SLC24A3: variants seen among roughly 807,000 people sequenced by gnomAD.
The protein encoded by SLC24A3 is solute carrier family 24 member 3.
A neutral mutation model predicts 75.8 loss-of-function variants in SLC24A3; 28 were observed. The ratio of observed to expected loss-of-function variants is 0.37; its 90% confidence interval spans 0.27 to 0.51. The LOEUF (loss-of-function observed/expected upper bound fraction) is 0.51. Ranked by LOEUF, SLC24A3 falls within the 20% of genes least tolerant of loss-of-function variation. The pLI is 0.94. For synonymous variants in SLC24A3, 372 were observed against 334.1 expected (o/e 1.11, Z -1.24); for missense variants, 663 against 847.8 (o/e 0.78, Z 2.71).
chr20:19,471,507 G>A (rs984242850), intron 2 of SLC24A3, among the ~76,000 whole-genome samples: 1 of 152,196 alleles, frequency 6.6e-6, no homozygotes. Context: ...GGGAGTGGGG[G>A]CAGGGGTGTC....
At chr20:19,447,875 A>G (rs1026921479) in intron 2 of SLC24A3, among the ~76,000 whole-genome samples, 1 of 152,238 alleles carries the variant, frequency 6.6e-6, no homozygotes, top group Non-Finnish European at 1.5e-5. Context: ...TCCAGTGGTT[A>G]TCACAGAGTG....
chr20:19,281,571 T>C (rs982557295), intron 2 of SLC24A3, among the ~76,000 whole-genome samples: 2 of 152,194 alleles, frequency 1.3e-5, no homozygotes, highest in Non-Finnish European at 2.9e-5. Context: ...ATTTGATATC[T>C]ATTATGCCAT....
chr20:19,559,152 T>C (rs1324695625), intron 3 of SLC24A3, among the ~76,000 whole-genome samples: 1 of 152,186 alleles, frequency 6.6e-6, no homozygotes, highest in Non-Finnish European at 1.5e-5. Context: ...CTTTCTTTAC[T>C]TTAGTCATTC....
At chr20:19,448,482 C>T (rs1987424808) in intron 2 of SLC24A3, among the ~76,000 whole-genome samples, 1 of 152,156 alleles carries the variant, frequency 6.6e-6, no homozygotes, top group African/African-American at 2.4e-5. Flanking sequence ...CCGTGTTTTC[C>T]CAGGTGTCAC....
chr20:19,250,436 G>A lies in SLC24A3; in HGVS notation c.143-30523G>A, dbSNP rs559815191. ...ACAGTCTAAACTTGCATAGTTGCTG[G>A]TTAATTATTCAAAGCATGTTTCATT... On this transcript the variant is annotated intron_variant, in intron 1 of 16. Transcript: ENST00000328041. Among the ~76,000 whole-genome samples, 3 of 152,232 alleles carry A rather than the reference G, an allele frequency of 2.0e-5. No individual in the cohort carries two copies. The South Asian group carries it at 6.2e-4, about 32-fold the overall frequency.
chr20:19,257,137 G>A (rs16980264), intron 1 of SLC24A3, among the ~76,000 whole-genome samples: 19,454 of 152,158 alleles, frequency 0.13, 1,376 homozygotes, highest in Non-Finnish European at 0.15. Context: ...GGGTCTTTTT[G>A]AAAACCATTT....
chr20:19,678,021 G>C (rs1323989945), intron 9 of SLC24A3, among the ~76,000 whole-genome samples: 1 of 151,526 alleles, frequency 6.6e-6, no homozygotes, highest in African/African-American at 2.4e-5. Context: ...ACAGGGTTGG[G>C]GGGTAAGGTC....
intron 1 of SLC24A3, among the ~76,000 whole-genome samples, chr20:19,256,212 G>T (rs985297097): frequency 1.3e-5 from 2 of 152,246 alleles, no homozygotes; most frequent in Admixed American, 1.3e-4. Flanking sequence ...ACATTATGAT[G>T]AATTCATAAG....
intron 2 of SLC24A3, among the ~76,000 whole-genome samples, chr20:19,449,532 G>T (rs1273206472): frequency 6.6e-6 from 1 of 152,200 alleles, no homozygotes; most frequent in Admixed American, 6.5e-5. Context: ...CTCAAGTCTT[G>T]CCAGCCACAG....
intron 15 of SLC24A3, among the ~76,000 whole-genome samples, chr20:19,712,114 T>C (rs1022193388): frequency 6.6e-6 from 1 of 152,036 alleles, no homozygotes; most frequent in Non-Finnish European, 1.5e-5. Context: ...AACTGGCTAA[T>C]TTTTATTTTT....
At position 19,325,777 on chromosome 20, in the gene SLC24A3, C is replaced by CATATATATATAT. The variant is rs1164485509; in HGVS notation, c.271+44698_271+44709dup. Among the ~76,000 whole-genome samples the CATATATATATAT allele has an allele frequency of 6.0e-3, 347 of 58,192 alleles. 7 individuals are homozygous for CATATATATATAT. Among genetic ancestry groups the CATATATATATAT allele is most frequent in the East Asian group, 0.016 (26 of 1,658 alleles). 38.2% of individuals were successfully genotyped at this position (58,192 alleles called of 152,430 possible). Reference sequence around the variant, plus strand: ...GTATACATACATACATATATATATACATATATATATATATATATAGAGAGA... The same window carrying CATATATATATAT: ...GTATACATACATACATATATATATACATATATATATATATATATATATATATATATAGAGAGA... On this transcript the variant is annotated intron_variant, in intron 2 of 16. Transcript: ENST00000328041.
intron 6 of SLC24A3, among the ~76,000 whole-genome samples, chr20:19,650,053 T>C (rs2032183709): frequency 6.6e-6 from 1 of 152,194 alleles, no homozygotes. Flanking sequence ...CAGATCTCAC[T>C]GTAAGTACCA....
At chr20:19,247,067 A>G (rs1982513201) in intron 1 of SLC24A3, among the ~76,000 whole-genome samples, 1 of 152,220 alleles carries the variant, frequency 6.6e-6, no homozygotes, top group Non-Finnish European at 1.5e-5. Flanking sequence ...TAAGAAGTAC[A>G]TTTGTTTATA....
chr20:19,229,387 T>C (rs1321868782), intron 1 of SLC24A3, among the ~76,000 whole-genome samples: 4 of 152,172 alleles, frequency 2.6e-5, no homozygotes, highest in Non-Finnish European at 5.9e-5. Flanking sequence ...AATTCCTGTG[T>C]TTATTTTCAA....
chr20:19,228,871 T>C lies in SLC24A3; in HGVS notation c.142+15887T>C, dbSNP rs1981940590. ...TATATATTTATGAAAGAAATAGACA[T>C]ATAGCTCCTTTGCCAGGTTTTGGTG... On this transcript the variant is annotated intron_variant, in intron 1 of 16. Transcript: ENST00000328041. Among the ~76,000 whole-genome samples, 3 of 152,208 alleles carry C rather than the reference T, an allele frequency of 2.0e-5. No individual in the cohort carries two copies. In the South Asian group the frequency reaches 6.2e-4, roughly 32 times the overall value.
At chr20:19,327,804 G>T (rs1984905959) in intron 2 of SLC24A3, among the ~76,000 whole-genome samples, 1 of 152,062 alleles carries the variant, frequency 6.6e-6, no homozygotes, top group Non-Finnish European at 1.5e-5. Flanking sequence ...TTCATTCAAT[G>T]TATATTTATT....
At chr20:19,258,774 G>A (rs1182360876) in intron 1 of SLC24A3, among the ~76,000 whole-genome samples, 1 of 152,116 alleles carries the variant, frequency 6.6e-6, no homozygotes, top group Non-Finnish European at 1.5e-5. Flanking sequence ...TTTCCACCAA[G>A]CACTGGCTTT....
At chr20:19,515,429 C>T in intron 2 of SLC24A3, 59 bp from the exon 3 acceptor site, 1 of 1,524,634 alleles carries the variant, frequency 6.6e-7, no homozygotes, top group Non-Finnish European at 9.1e-7. Flanking sequence ...ACTCCCAGAC[C>T]TACAGCACTG....
At chr20:19,348,890 T>C (rs1218261256) in intron 2 of SLC24A3, among the ~76,000 whole-genome samples, 1 of 152,130 alleles carries the variant, frequency 6.6e-6, no homozygotes, top group Non-Finnish European at 1.5e-5. Flanking sequence ...TTCTTATATA[T>C]CACCAGAGAC....
Sources: gnomAD v4.1 joint callset for allele counts (sites outside exome capture counted in the v4.1 genomes callset) on GRCh38, gnomAD v4.1.1 for gene constraint, MANE v1.5 for transcripts, NCBI Gene and HGNC (gene_info 2026-07-23, HGNC 2026-07-21) for gene names.